The following CAMK2D variants were observed in gnomAD, a reference collection of about 807,000 sequenced individuals.
CAMK2D encodes the protein calcium/calmodulin-dependent protein kinase type II subunit delta.
Under a neutral mutation model 84.0 loss-of-function variants are expected in CAMK2D, and 37 were observed. The observed-to-expected ratio is 0.44, with a 90% CI of 0.34 to 0.58. The LOEUF (loss-of-function observed/expected upper bound fraction) is 0.58, where lower values mean the gene tolerates loss of function less well. Ranked by LOEUF, CAMK2D falls within the 20% of genes least tolerant of loss-of-function variation. CAMK2D has a pLI of 0.02. For missense variants in CAMK2D, 448 were observed against 652.5 expected, an observed-to-expected ratio of 0.69 and a Z score of 3.41; for synonymous variants, 202 against 212.5, an observed-to-expected ratio of 0.95 and a Z score of 0.43.
chr4:113,474,946 G>A lies in CAMK2D; in HGVS notation c.1136-9342C>T, dbSNP rs111945078. ...ACAGGCGTGAGCCACCGTGCCTGGC[G>A]GAGAGTTAATTTCAAAGTGTTAATA... On this transcript the variant is annotated intron_variant, in intron 16 of 20. Transcript: ENST00000511664. Among the ~76,000 whole-genome samples the A allele has an allele frequency of 4.2e-3, 636 of 152,118 alleles. 8 individuals carry two copies. Among genetic ancestry groups the A allele is most frequent in the African/African-American group, 0.014 (589 of 41,500 alleles).
intron 2 of CAMK2D, among the ~76,000 whole-genome samples, chr4:113,747,191 T>C (rs1292277844): frequency 6.6e-6 from 1 of 151,884 alleles, no homozygotes; most frequent in Non-Finnish European, 1.5e-5. Context: ...TCTAAGTGAA[T>C]GGAAGATTGT....
intron 4 of CAMK2D, among the ~76,000 whole-genome samples, chr4:113,565,475 A>G (rs1306058312): frequency 6.6e-6 from 1 of 151,874 alleles, no homozygotes; most frequent in East Asian, 1.9e-4. Context: ...ACATGGTGAA[A>G]CCCCGTCTCT....
chr4:113,610,032 T>TC (rs1452019863), intron 3 of CAMK2D, among the ~76,000 whole-genome samples: 1 of 152,118 alleles, frequency 6.6e-6, no homozygotes, highest in Non-Finnish European at 1.5e-5. Flanking sequence ...GTGAATTCTT[T>TC]TTTTTTTTGC....
intron 8 of CAMK2D, among the ~76,000 whole-genome samples, chr4:113,526,820 C>T (rs1239558885): frequency 6.6e-6 from 1 of 151,756 alleles, no homozygotes; most frequent in Non-Finnish European, 1.5e-5. Context: ...AATGCAGTTG[C>T]CTGTGTTTAC....
chr4:113,657,412 C>T (rs191275606), intron 3 of CAMK2D, among the ~76,000 whole-genome samples: 5 of 152,162 alleles, frequency 3.3e-5, no homozygotes, highest in African/African-American at 9.6e-5. Flanking sequence ...TAGAACAAAG[C>T]TTGGCAATGG....
At chr4:113,498,937 C>A (rs953702923) in intron 16 of CAMK2D, among the ~76,000 whole-genome samples, 3 of 152,126 alleles carry the variant, frequency 2.0e-5, no homozygotes, top group Non-Finnish European at 2.9e-5. Context: ...AGATGAACTG[C>A]ATATAGTAAG....
chr4:113,739,997 C>CT (rs1199500064), intron 2 of CAMK2D, among the ~76,000 whole-genome samples: 1 of 152,088 alleles, frequency 6.6e-6, no homozygotes, highest in Non-Finnish European at 1.5e-5. Flanking sequence ...CTAAACTATT[C>CT]CAAGTGTCTT....
chr4:113,725,423 A>T (rs1274893764), intron 2 of CAMK2D, among the ~76,000 whole-genome samples: 2 of 152,126 alleles, frequency 1.3e-5, no homozygotes, highest in Admixed American at 6.5e-5. Flanking sequence ...ATTACTCCTA[A>T]TAATATAAAA....
intron 2 of CAMK2D, among the ~76,000 whole-genome samples, chr4:113,731,550 C>CA (rs2099568855): frequency 6.7e-6 from 1 of 149,596 alleles, no homozygotes; most frequent in Non-Finnish European, 1.5e-5. Flanking sequence ...AAAAACACTT[C>CA]AAAGTATAAA....
intron 18 of CAMK2D, among the ~76,000 whole-genome samples, 162 bp from the exon 19 acceptor site, chr4:113,457,725 G>C (rs1291319504): frequency 6.6e-6 from 1 of 152,098 alleles, no homozygotes; most frequent in Non-Finnish European, 1.5e-5. Context: ...ACTGGGCACT[G>C]TACAAAGCAA....
intron 6 of CAMK2D, among the ~76,000 whole-genome samples, chr4:113,543,738 C>T (rs920273682): frequency 5.9e-5 from 9 of 151,948 alleles, no homozygotes; most frequent in African/African-American, 2.2e-4. Context: ...CAGCACTCAG[C>T]TCTTCATAAA....
intron 6 of CAMK2D, among the ~76,000 whole-genome samples, chr4:113,541,131 A>G (rs1372907256): frequency 1.3e-5 from 2 of 152,244 alleles, no homozygotes; most frequent in East Asian, 3.9e-4. Flanking sequence ...AATGACTCAA[A>G]GTACATAGGC....
In CAMK2D at chr4:113,639,021, T is replaced by C. The variant is rs531498923; in HGVS notation, c.220+22692A>G. Reference sequence around the variant, plus strand: ...ACTTTGGGAGGCCAAGGTGGGAAGATCACCTGAGGCCTGGAATTCGAGACC... The same window carrying C: ...ACTTTGGGAGGCCAAGGTGGGAAGACCACCTGAGGCCTGGAATTCGAGACC... On this transcript the variant is annotated intron_variant, in intron 3 of 20. Transcript: ENST00000511664. Among the ~76,000 whole-genome samples the C allele has an allele frequency of 3.3e-5, 5 of 150,802 alleles. No individual in the cohort carries two copies. The East Asian group carries it at 9.8e-4, about 29-fold the overall frequency.
chr4:113,709,059 C>A (rs1328961110), intron 2 of CAMK2D, among the ~76,000 whole-genome samples: 4 of 151,988 alleles, frequency 2.6e-5, no homozygotes, highest in African/African-American at 7.2e-5. Context: ...TTTAATGGAA[C>A]TAAACTATGT....
intron 2 of CAMK2D, among the ~76,000 whole-genome samples, chr4:113,663,585 T>C (rs1448171583): frequency 1.8e-5 from 2 of 111,326 alleles, no homozygotes; most frequent in Non-Finnish European, 3.4e-5. Context: ...GGAGGCTCTG[T>C]CTAAAAATAA....
intron 12 of CAMK2D, among the ~76,000 whole-genome samples, chr4:113,511,173 CT>C (rs2098208330): frequency 6.6e-6 from 1 of 152,044 alleles, no homozygotes; most frequent in Non-Finnish European, 1.5e-5. Context: ...TAACCATATA[CT>C]TATGGATAAA....
intron 3 of CAMK2D, among the ~76,000 whole-genome samples, chr4:113,652,325 A>C (rs2099176838): frequency 6.6e-6 from 1 of 152,198 alleles, no homozygotes; most frequent in Non-Finnish European, 1.5e-5. Context: ...GCCTGATAAC[A>C]CAGTTAATAG....
At chr4:113,558,917 G>A (rs1226092322) in intron 4 of CAMK2D, among the ~76,000 whole-genome samples, 1 of 152,060 alleles carries the variant, frequency 6.6e-6, no homozygotes, top group East Asian at 1.9e-4. Flanking sequence ...GCGAGGCTGA[G>A]GCTGCAGAGA....
chr4:113,540,569 G>A lies in CAMK2D; in HGVS notation c.415-3126C>T, dbSNP rs905663747. On this transcript the variant is annotated intron_variant, in intron 6 of 20. Coordinates refer to ENST00000511664, the MANE Select transcript of CAMK2D (RefSeq NM_001321571.2). Reference sequence around the variant, plus strand: ...ATATGGACTTGGGCAACTCACAAATGCCTGGAGCTAATTAATTAGTTCCTT... The same window carrying A: ...ATATGGACTTGGGCAACTCACAAATACCTGGAGCTAATTAATTAGTTCCTT... 1.1e-4 allele frequency among the ~76,000 whole-genome samples: 16 copies of A among 152,116 alleles called. 1 individual carries two copies. Among genetic ancestry groups the A allele is most frequent in the Admixed American group, 5.9e-4 (9 of 15,264 alleles).
Sources: gnomAD v4.1 joint callset for allele counts (sites outside exome capture counted in the v4.1 genomes callset) on GRCh38, gnomAD v4.1.1 for gene constraint, MANE v1.5 for transcripts, NCBI Gene and HGNC (gene_info 2026-07-23, HGNC 2026-07-21) for gene names.